Variants in SLC8A1 observed in about 807,000 individuals in gnomAD.
The protein encoded by SLC8A1 is sodium/calcium exchanger 1.
A neutral mutation model predicts 68.3 loss-of-function variants in SLC8A1; 18 were observed. That is an observed-to-expected ratio of 0.26 (90% confidence interval 0.18 to 0.39). The LOEUF (loss-of-function observed/expected upper bound fraction) is 0.39, where lower values mean the gene tolerates loss of function less well. SLC8A1 is among the 10% of genes least tolerant of loss of function. The pLI, the probability that SLC8A1 is intolerant of heterozygous loss-of-function variation, is 1.00. For missense variants in SLC8A1, 985 were observed against 1,156.7 expected, an observed-to-expected ratio of 0.85 and a Z score of 2.15; for synonymous variants, 475 against 415.5, an observed-to-expected ratio of 1.14 and a Z score of -1.74.
chr2:40,148,178 T>C (rs988737523), intron 6 of SLC8A1, among the ~76,000 whole-genome samples: 8 of 152,206 alleles, frequency 5.3e-5, no homozygotes, highest in Admixed American at 1.3e-4. Flanking sequence ...ATACACAAAA[T>C]ACTATATTGT....
At chr2:40,187,541 C>T (rs1244985352) in intron 2 of SLC8A1, among the ~76,000 whole-genome samples, 1 of 152,146 alleles carries the variant, frequency 6.6e-6, no homozygotes, top group East Asian at 1.9e-4. Context: ...CTAACATAAC[C>T]TTGCCCTATT....
At chr2:40,345,944 T>G (rs1288674323) in intron 2 of SLC8A1, among the ~76,000 whole-genome samples, 1 of 149,678 alleles carries the variant, frequency 6.7e-6, no homozygotes, top group Admixed American at 6.8e-5. Context: ...CAAACCACCA[T>G]GGCACATGTA....
At chr2:40,325,139 T>C (rs926891630) in intron 2 of SLC8A1, among the ~76,000 whole-genome samples, 1 of 152,134 alleles carries the variant, frequency 6.6e-6, no homozygotes, top group Non-Finnish European at 1.5e-5. Flanking sequence ...AATTAATTCC[T>C]TATAGGGAAA....
At chr2:40,156,405 G>T (rs1229395304) in intron 6 of SLC8A1, among the ~76,000 whole-genome samples, 2 of 138,638 alleles carry the variant, frequency 1.4e-5, no homozygotes, top group African/African-American at 2.6e-5. Context: ...TCGTTATAAA[G>T]ATGCCAATAC....
intron 1 of SLC8A1, among the ~76,000 whole-genome samples, chr2:40,510,426 T>A (rs1449572871): frequency 6.6e-6 from 1 of 152,212 alleles, no homozygotes; most frequent in African/African-American, 2.4e-5. Context: ...ACACTTGAAA[T>A]GCACTTGGCA....
intron 2 of SLC8A1, among the ~76,000 whole-genome samples, chr2:40,339,365 G>T (rs1402727378): frequency 6.6e-6 from 1 of 152,132 alleles, no homozygotes; most frequent in Non-Finnish European, 1.5e-5. Context: ...ATATCAGAAG[G>T]CAGCAGCACT....
At chr2:40,236,749 T>C (rs2148931904) in intron 2 of SLC8A1, among the ~76,000 whole-genome samples, 2 of 152,234 alleles carry the variant, frequency 1.3e-5, no homozygotes, top group South Asian at 4.1e-4. Flanking sequence ...TGGTTGTTCC[T>C]TCCCATGTTT....
At chr2:40,383,583 A>C (rs984733406) in intron 2 of SLC8A1, among the ~76,000 whole-genome samples, 4 of 152,128 alleles carry the variant, frequency 2.6e-5, no homozygotes, top group African/African-American at 9.7e-5. Flanking sequence ...TCACTAGAGA[A>C]GTAGGTACTA....
At chr2:40,218,756 C>T (rs1043454717) in intron 2 of SLC8A1, among the ~76,000 whole-genome samples, 1 of 149,666 alleles carries the variant, frequency 6.7e-6, no homozygotes, top group African/African-American at 2.4e-5. Flanking sequence ...AACATCCTTG[C>T]TTGCAGAGAT....
At chr2:40,396,717 C>G (rs1281137664) in intron 2 of SLC8A1, among the ~76,000 whole-genome samples, 1 of 130,550 alleles carries the variant, frequency 7.7e-6, no homozygotes, top group African/African-American at 3.1e-5. Context: ...TGTTAAGCAG[C>G]ATCCTTTTAA....
intron 2 of SLC8A1, among the ~76,000 whole-genome samples, chr2:40,392,047 A>T (rs1368245621): frequency 7.2e-6 from 1 of 139,478 alleles, no homozygotes; most frequent in Non-Finnish European, 1.5e-5. Context: ...ACAAACAAAC[A>T]AACAAAATAA....
At position 40,422,926 on chromosome 2, in the gene SLC8A1, T is replaced by C. The variant is rs772042721; in HGVS notation, c.1808+5547A>G. Reference sequence around the variant, plus strand: ...CTCTCTAAGTTTCAGTTTTTTCATCTGCAAGGTCACTTACTTCATTGGGCT... The same window carrying C: ...CTCTCTAAGTTTCAGTTTTTTCATCCGCAAGGTCACTTACTTCATTGGGCT... On this transcript the variant is annotated intron_variant, in intron 2 of 7. Coordinates refer to ENST00000406785, the Ensembl canonical transcript of SLC8A1. Among the ~76,000 whole-genome samples the C allele has an allele frequency of 5.0e-4, 76 of 152,292 alleles. 1 individual carries two copies. Among genetic ancestry groups the C allele is most frequent in the East Asian group, 3.9e-4 (2 of 5,182 alleles).
At chr2:40,335,543 G>A (rs745962904) in intron 2 of SLC8A1, among the ~76,000 whole-genome samples, 1 of 152,176 alleles carries the variant, frequency 6.6e-6, no homozygotes, top group Non-Finnish European at 1.5e-5. Context: ...CTTCTTTTAA[G>A]AAATACAATG....
At chr2:40,401,358 G>C (rs1315653160) in intron 2 of SLC8A1, among the ~76,000 whole-genome samples, 1 of 151,938 alleles carries the variant, frequency 6.6e-6, no homozygotes, top group East Asian at 1.9e-4. Flanking sequence ...ACCCAACTTG[G>C]ACTGTTAGAA....
intron 2 of SLC8A1, among the ~76,000 whole-genome samples, chr2:40,285,040 A>G (rs376337323): frequency 1.1e-4 from 16 of 152,268 alleles, no homozygotes; most frequent in Admixed American, 3.3e-4. Context: ...TCACACAATC[A>G]TCTTTGAAAA....
chr2:40,314,036 A>T (rs1353715966), intron 2 of SLC8A1, among the ~76,000 whole-genome samples: 1 of 152,068 alleles, frequency 6.6e-6, no homozygotes, highest in Non-Finnish European at 1.5e-5. Context: ...ATCAATTTTT[A>T]AAAATAGATA....
At chr2:40,128,475 A>T in intron 7 of SLC8A1, among the ~76,000 whole-genome samples, 1 of 152,206 alleles carries the variant, frequency 6.6e-6, no homozygotes, top group Non-Finnish European at 1.5e-5. Flanking sequence ...CAGCACCTAC[A>T]GTATGACGTG....
At chr2:40,206,858 T>C (rs1307970017) in intron 2 of SLC8A1, among the ~76,000 whole-genome samples, 1 of 152,086 alleles carries the variant, frequency 6.6e-6, no homozygotes, top group African/African-American at 2.4e-5. Flanking sequence ...TTCATTTTCT[T>C]CTTAGATTCT....
At chr2:40,257,535 C>G (rs1331171840) in intron 2 of SLC8A1, among the ~76,000 whole-genome samples, 4 of 151,910 alleles carry the variant, frequency 2.6e-5, no homozygotes, top group East Asian at 1.9e-4. Flanking sequence ...ACAGAGATAG[C>G]TATTATTTCC....
Sources: allele counts gnomAD v4.1 joint callset (sites outside exome capture counted in the v4.1 genomes callset), GRCh38; gene constraint gnomAD v4.1.1; transcripts MANE v1.5; gene names NCBI Gene and HGNC (gene_info 2026-07-23, HGNC 2026-07-21).